Variants in FHAD1 observed in about 807,000 individuals in gnomAD.
FHAD1 encodes forkhead-associated domain-containing protein 1.
In FHAD1, 146 loss-of-function variants were observed where a neutral mutation model predicts 191.3. The ratio of observed to expected loss-of-function variants is 0.76; its 90% CI spans 0.67 to 0.88. The LOEUF (loss-of-function observed/expected upper bound fraction) is 0.88. Ranked by LOEUF, FHAD1 falls within the 40% of genes least tolerant of loss-of-function variation. FHAD1 has a pLI of 0.00. For missense variants in FHAD1, 1,635 were observed against 1,785.8 expected (o/e 0.92, Z 1.52); for synonymous variants, 616 against 672.3 (o/e 0.92, Z 1.29).
At chr1:15,338,656 G>T (rs1005173231) in intron 14 of FHAD1, among the ~76,000 whole-genome samples, 1 of 151,942 alleles carries the variant, frequency 6.6e-6, no homozygotes, top group African/African-American at 2.4e-5. Context: ...GCCCTCCCCC[G>T]GCTCTCTGAA....
chr1:15,360,989 G>A (rs148778003), intron 22 of FHAD1, among the ~76,000 whole-genome samples: 62 of 152,280 alleles, frequency 4.1e-4, no homozygotes, highest in African/African-American at 7.9e-4. Flanking sequence ...AGGGCAGCGC[G>A]AAGTGGAATC....
At position 15,276,460 on chromosome 1, in the gene FHAD1, C is replaced by T. The variant is rs1385089138; in HGVS notation, c.300+3931C>T. Among the ~76,000 whole-genome samples, 3 of 152,194 alleles carry T rather than the reference C, an allele frequency of 2.0e-5. No individual in the cohort carries two copies. Among genetic ancestry groups the T allele is most frequent in the East Asian group, 1.9e-4 (1 of 5,202 alleles). Reference sequence around the variant, plus strand: ...GGTTTACAAAGTACATTGGCACCCACGATATGCTTAAGAGTACACGTTATA... The same window carrying T: ...GGTTTACAAAGTACATTGGCACCCATGATATGCTTAAGAGTACACGTTATA... On this transcript the variant is annotated intron_variant, in intron 3 of 33. Transcript: ENST00000688493. This position sits in a 1 kb window ranked among gnomAD's most constrained non-coding sequence, Gnocchi z 4.7.
At chr1:15,295,335 A>T (rs191128439) in intron 4 of FHAD1, among the ~76,000 whole-genome samples, 14 of 152,312 alleles carry the variant, frequency 9.2e-5, no homozygotes, top group Admixed American at 2.0e-4. Context: ...TTGGCCAGGC[A>T]TAGTGGCTCC....
At chr1:15,239,267 C>G (rs1161622827) in intron 1 of FHAD1, among the ~76,000 whole-genome samples, 3 of 152,096 alleles carry the variant, frequency 2.0e-5, no homozygotes, top group Admixed American at 1.3e-4. Flanking sequence ...AGGTACTGCT[C>G]TGAGCACCAG....
Position 15,327,015 on chromosome 1 carries a change from G to A in FHAD1, c.1474-44G>A. ...ATGGAAACGCTGCCCCCACTTGCCG[G>A]CCCCTGCTGACCCCCTGACACTGTT... is the stretch of plus-strand genomic sequence containing the variant. On this transcript the variant is annotated intron_variant, in intron 11 of 33. Coordinates refer to ENST00000688493, the MANE Select transcript of FHAD1 (RefSeq NM_001391957.1). The surrounding 1 kb of genome is among the most constrained non-coding windows in gnomAD (Gnocchi z 5.1). 2 of 1,321,872 alleles carry A rather than the reference G, an allele frequency of 1.5e-6. No individual in the cohort carries two copies. Among genetic ancestry groups the A allele is most frequent in the South Asian group, 2.5e-5 (2 of 78,494 alleles). The allele number at this position is 1,321,872 out of a possible 1,614,324, so 81.9% of individuals were successfully genotyped here. A position where few individuals can be genotyped will look rare whatever the true frequency, so the allele number is the denominator to read the frequency against.
At chr1:15,257,521 G>A (rs545174231) in intron 2 of FHAD1, among the ~76,000 whole-genome samples, 27 of 152,290 alleles carry the variant, frequency 1.8e-4, no homozygotes, top group Middle Eastern at 3.4e-3. Context: ...GGACGCGCCC[G>A]TTCACCTTCC....
At chr1:15,253,646 A>G (rs922218546) in intron 2 of FHAD1, among the ~76,000 whole-genome samples, 2 of 152,214 alleles carry the variant, frequency 1.3e-5, no homozygotes, top group African/African-American at 4.8e-5. Context: ...TAGAAACATA[A>G]TTGATTTTAG....
intron 24 of FHAD1, 87 bp downstream of exon 24, chr1:15,366,020 G>T: frequency 1.1e-6 from 1 of 912,874 alleles, no homozygotes; most frequent in African/African-American, 1.7e-5. Context: ...GGGCGCAGTG[G>T]CGCACGCCTA....
intron 10 of FHAD1, among the ~76,000 whole-genome samples, chr1:15,321,085 C>G (rs1676098363): frequency 6.6e-6 from 1 of 152,166 alleles, no homozygotes; most frequent in African/African-American, 2.4e-5. Context: ...CAGGTGTACA[C>G]CACCATGCCC....
At chr1:15,391,954 A>G (rs571057031) in intron 33 of FHAD1, among the ~76,000 whole-genome samples, 21 of 152,342 alleles carry the variant, frequency 1.4e-4, no homozygotes, top group Non-Finnish European at 2.9e-4. Flanking sequence ...TGGAGCAGGC[A>G]GACACTGCCC....
At chr1:15,384,793 C>T (rs1377161824) in intron 31 of FHAD1, among the ~76,000 whole-genome samples, 1 of 152,216 alleles carries the variant, frequency 6.6e-6, no homozygotes, top group Non-Finnish European at 1.5e-5. Flanking sequence ...GTAAGGAGCA[C>T]TTGCTGTCAG....
intron 3 of FHAD1, among the ~76,000 whole-genome samples, chr1:15,282,658 G>A (rs1661028499): frequency 3.9e-5 from 6 of 152,182 alleles, no homozygotes; most frequent in Admixed American, 3.9e-4. Context: ...AATAGTTTTT[G>A]AATATCAGAA....
intron 28 of FHAD1, among the ~76,000 whole-genome samples, chr1:15,376,582 G>A (rs193201715): frequency 8.1e-4 from 124 of 152,294 alleles, no homozygotes; most frequent in African/African-American, 2.8e-3. Flanking sequence ...CGAGCTCTGC[G>A]AGCTGTGTGA....
chr1:15,310,317 C>G (rs562459065), intron 7 of FHAD1, among the ~76,000 whole-genome samples: 2 of 152,348 alleles, frequency 1.3e-5, no homozygotes, highest in South Asian at 4.1e-4. Context: ...CAGTCCCCCT[C>G]CCCACTCCAG....
intron 2 of FHAD1, among the ~76,000 whole-genome samples, chr1:15,262,335 T>A (rs1651459103): frequency 2.0e-5 from 3 of 152,210 alleles, no homozygotes; most frequent in African/African-American, 7.2e-5. Context: ...TTTCATTTAT[T>A]CTTCACCACA....
intron 2 of FHAD1, among the ~76,000 whole-genome samples, chr1:15,254,646 T>A (rs748768547): frequency 1.3e-5 from 2 of 152,184 alleles, no homozygotes; most frequent in Admixed American, 6.5e-5. Context: ...TTGGCCTTAG[T>A]TTAAAAAGTA....
At chr1:15,322,954 A>G (rs1676825401) in intron 10 of FHAD1, among the ~76,000 whole-genome samples, 2 of 152,162 alleles carry the variant, frequency 1.3e-5, no homozygotes. Flanking sequence ...GGGAGGCGAA[A>G]GGCACTTCTT....
intron 2 of FHAD1, among the ~76,000 whole-genome samples, chr1:15,254,560 G>C (rs7532089): frequency 0.71 from 107,784 of 152,116 alleles, 39,232 homozygotes; most frequent in East Asian, 0.95. Context: ...AGGAACTAAT[G>C]AGGACAATTA....
chr1:15,368,164 G>T (rs1697069863), intron 25 of FHAD1, among the ~76,000 whole-genome samples: 1 of 151,908 alleles, frequency 6.6e-6, no homozygotes, highest in African/African-American at 2.4e-5. Flanking sequence ...AGTAGAGATG[G>T]AGATTAACCA....
Sources: allele counts gnomAD v4.1 joint callset (sites outside exome capture counted in the v4.1 genomes callset), GRCh38; gene constraint gnomAD v4.1.1; non-coding constraint Gnocchi (gnomAD v3.1); transcripts MANE v1.5; gene names NCBI Gene and HGNC (gene_info 2026-07-23, HGNC 2026-07-21).